Variants in MRPL43 observed in about 807,000 individuals in gnomAD.
The protein encoded by MRPL43 is mitochondrial ribosomal protein L43.
A neutral mutation model predicts 12.7 loss-of-function variants in MRPL43; 9 were observed. That is an observed-to-expected ratio of 0.71 (90% CI 0.43 to 1.24). The LOEUF (loss-of-function observed/expected upper bound fraction) is 1.24, where lower values mean the gene tolerates loss of function less well. Ranked by LOEUF, MRPL43 falls within the 50% of genes most tolerant of loss-of-function variation. The pLI, the probability that MRPL43 is intolerant of heterozygous loss-of-function variation, is 0.00. For missense variants in MRPL43, 211 were observed against 229.2 expected (o/e 0.92, Z 0.51); for synonymous variants, 116 against 96.4 (o/e 1.20, Z -1.19).
At chr10:100,978,394 C>A, downstream of MRPL43, 1 of 1,611,396 alleles carries the variant, frequency 6.2e-7, no homozygotes, top group Admixed American at 1.7e-5. Flanking sequence ...CATTGGTGAG[C>A]AGGCCTTCTT....
At chr10:100,980,622 C>T (rs1851022799), downstream of MRPL43, 1 of 1,614,192 alleles carries the variant, frequency 6.2e-7, no homozygotes, top group East Asian at 2.2e-5. Flanking sequence ...CTCTGGGATG[C>T]ACATTATTGA....
chr10:100,984,056 C>G (rs141726768), downstream of MRPL43: 6 of 1,613,690 alleles, frequency 3.7e-6, no homozygotes, highest in South Asian at 1.1e-5. Context: ...GCTCCTTCGC[C>G]GAGGAACTCA....
rs1260957979 is a variant in MRPL43, at chr10:100,986,650, T to A, written c.*84A>T. 1.9e-6 allele frequency: 3 copies of A among 1,613,840 alleles called. No homozygotes were observed. The East Asian group carries it at 6.7e-5, about 36-fold the overall frequency. ...TGCCCATTGATGGGTTCCATTTGCC[T>A]GGGCTTGGAATCCCAAAGGGGAAGA... On this transcript the variant is annotated 3_prime_UTR_variant, in exon 3 of 3. Transcript: ENST00000318364.
At chr10:100,986,090 T>C (rs1851448180), downstream of MRPL43, among the ~76,000 whole-genome samples, 1 of 152,180 alleles carries the variant, frequency 6.6e-6, no homozygotes, top group Non-Finnish European at 1.5e-5. Context: ...AGAGAAAGCT[T>C]GTCAGCCAGG....
At chr10:100,980,538 C>A (rs1851013156), downstream of MRPL43, 2 of 1,555,426 alleles carry the variant, frequency 1.3e-6, no homozygotes, top group African/African-American at 1.4e-5. Context: ...GAGAGCAGAT[C>A]CCATAGTTGG....
At chr10:100,977,874 G>T (rs1471001412), downstream of MRPL43, 3 of 684,548 alleles carry the variant, frequency 4.4e-6, no homozygotes, top group Admixed American at 2.3e-5. Context: ...CTCCAGTGGC[G>T]GCGGGCTGCA....
rs751243351 is a variant in MRPL43 at position 100,987,494 on chromosome 10, G to C, written c.-51C>G. The C allele has an allele frequency of 3.1e-6, 5 of 1,589,242 alleles. No homozygotes were observed. The East Asian group carries it at 9.0e-5, about 29-fold the overall frequency. ...CTAAGCAGCGAGGAGAGGGGGGCGG[G>C]ACTAAACCTCGAGGCTTCCGGTTCC... On this transcript the variant is annotated 5_prime_UTR_variant, in exon 1 of 3. Coordinates refer to ENST00000318364, the MANE Select transcript of MRPL43 (RefSeq NM_032112.3).
rs778152208 is a variant in MRPL43, at chr10:100,987,153, G to C, written c.175C>G (p.Pro59Ala). ...GAGTTTACATATATTACGACCCCTG[G>C]ATTCCGTCGGGCGAAGTCGATCACC... ...REVIDFARRN[P>A]GVVIYVNSRP... The change falls in exon 2 of 3, where the codon CCA becomes GCA. Residue 59 changes from proline (P) to alanine (A), a missense_variant. Transcript: ENST00000318364. 1.2e-6 allele frequency: 2 copies of C among 1,613,916 alleles called. No individual in the cohort carries two copies. The highest frequency in any genetic ancestry group is 2.2e-5 in the East Asian group (1 of 44,882).
chr10:100,978,415 G>A, downstream of MRPL43: 1 of 1,609,002 alleles, frequency 6.2e-7, no homozygotes, highest in South Asian at 1.1e-5. Context: ...CCCTATCACA[G>A]ACATGGTATT....
chr10:100,984,147 A>C, downstream of MRPL43: 1 of 1,591,560 alleles, frequency 6.3e-7, no homozygotes, highest in Non-Finnish European at 8.6e-7. Context: ...GCCTCCCAGA[A>C]CAAATGCTCT....
downstream of MRPL43, chr10:100,981,328 C>T: frequency 6.3e-7 from 1 of 1,598,464 alleles, no homozygotes; most frequent in Non-Finnish European, 8.6e-7. Context: ...GTGGCTGTGG[C>T]TATGTACATT....
At chr10:100,978,690 A>ATT, downstream of MRPL43, 1 of 1,583,934 alleles carries the variant, frequency 6.3e-7, no homozygotes, top group Non-Finnish European at 8.7e-7. Flanking sequence ...CTATTTCTTC[A>ATT]TTTTTACTCC....
chr10:100,985,259 C>T (rs1008277694), downstream of MRPL43: 45 of 198,814 alleles, frequency 2.3e-4, no homozygotes, highest in African/African-American at 9.5e-4. Context: ...GGAGTTTGGA[C>T]GCTTAGCTCC....
downstream of MRPL43, chr10:100,980,952 C>G (rs1417942007): frequency 3.1e-6 from 5 of 1,607,670 alleles, no homozygotes; most frequent in Non-Finnish European, 4.2e-6. Flanking sequence ...GGCACCCATG[C>G]CTGCGCAGCA....
chr10:100,981,421 G>A (rs976151809), downstream of MRPL43: 25 of 1,613,794 alleles, frequency 1.5e-5, no homozygotes, highest in Non-Finnish European at 2.0e-5. Flanking sequence ...TATAAACTAG[G>A]AAACATATTT....
chr10:100,986,184 AGTT>A (rs1851454152), downstream of MRPL43: 32 of 642,584 alleles, frequency 5.0e-5, 1 homozygote, highest in South Asian at 9.7e-4. Context: ...ACCACCTGAC[AGTT>A]GTTATATGTT....
At position 100,987,078 on chromosome 10, in the gene MRPL43, G is replaced by C. The variant is rs878856344; in HGVS notation, c.238+12C>G. On this transcript the variant is annotated intron_variant, in intron 2 of 2. Coordinates refer to ENST00000318364, the MANE Select transcript of MRPL43 (RefSeq NM_032112.3). The stretch of plus-strand genomic sequence containing the variant: ...TGATCCCGCCCTCCAGCCCGAGCCC[G>C]GCCCCACTCACGGTATTCGGCCACT... 1 of 1,612,708 alleles carries C rather than the reference G, an allele frequency of 6.2e-7. No homozygotes were observed. Among genetic ancestry groups the C allele is most frequent in the Non-Finnish European group, 8.5e-7 (1 of 1,179,866 alleles).
chr10:100,983,933 A>T, downstream of MRPL43: 1 of 664,012 alleles, frequency 1.5e-6, no homozygotes, highest in South Asian at 3.2e-5. Flanking sequence ...CCCCACCGCC[A>T]CCGGCTGAGC....
chr10:100,978,230 C>A, downstream of MRPL43: 4 of 1,234,414 alleles, frequency 3.2e-6, no homozygotes, highest in South Asian at 2.6e-5. Context: ...CCAGACTGAT[C>A]TGACTTTGAG....
Sources: allele counts gnomAD v4.1 joint callset (sites outside exome capture counted in the v4.1 genomes callset), GRCh38; gene constraint gnomAD v4.1.1; transcripts MANE v1.5; gene names NCBI Gene and HGNC (gene_info 2026-07-23, HGNC 2026-07-21).